Variants in MCF2L observed in about 807,000 individuals in gnomAD.
MCF2L encodes the protein MCF.2 cell line derived transforming sequence like.
MCF2L carries 97 observed loss-of-function variants against 153.4 expected under a neutral mutation model. That is an observed-to-expected ratio of 0.63 (90% CI 0.54 to 0.75). The LOEUF is 0.75. MCF2L is among the 30% of genes least tolerant of loss of function. MCF2L has a pLI of 0.00. For missense variants in MCF2L, 1,347 were observed against 1,495.2 expected (o/e 0.90, Z 1.64); for synonymous variants, 659 against 632.2 (o/e 1.04, Z -0.64).
In MCF2L at chr13:113,087,758, G is replaced by A. The variant is rs1317635526; in HGVS notation, c.2647G>A (p.Glu883Lys). 2 of 1,614,026 alleles carry A rather than the reference G, an allele frequency of 1.2e-6. No homozygotes were observed. Among genetic ancestry groups the A allele is most frequent in the Non-Finnish European group, 1.7e-6 (2 of 1,180,046 alleles). Reference protein sequence around the residue: ...ENVKGDAKKFEIWYNAREEVY... With the variant: ...ENVKGDAKKFKIWYNAREEVY... The stretch of plus-strand genomic sequence containing the variant: ...CGTGAAGGGAGATGCTAAGAAGTTC[G>A]AGATCTGGTACAACGCGCGCGAGGA... Residue 883 changes from glutamate (E) to lysine (K), a missense_variant, in exon 23 of 30, where the codon GAG becomes AAG. Transcript: ENST00000535094.
intron 2 of MCF2L, among the ~76,000 whole-genome samples, chr13:112,940,086 CG>C (rs894760995): frequency 3.3e-5 from 5 of 150,384 alleles, no homozygotes; most frequent in Non-Finnish European, 7.4e-5. Context: ...TTTTATACAA[CG>C]GGGGGTGGGG....
chr13:113,007,128 A>G (rs2083756703), intron 1 of MCF2L, among the ~76,000 whole-genome samples: 1 of 152,102 alleles, frequency 6.6e-6, no homozygotes, highest in African/African-American at 2.4e-5. Flanking sequence ...CTCAGAAGCC[A>G]TTGTGTGTAT....
intron 26 of MCF2L, chr13:113,091,176 G>T (rs1002425237): frequency 7.7e-7 from 1 of 1,301,108 alleles, no homozygotes; most frequent in South Asian, 1.2e-5. Flanking sequence ...AGAGCGACCC[G>T]ACTCCCTTTG....
intron 8 of MCF2L, among the ~76,000 whole-genome samples, chr13:113,066,898 A>C (rs2141852803): frequency 6.6e-6 from 1 of 152,314 alleles, no homozygotes; most frequent in Non-Finnish European, 1.5e-5. Context: ...TTTGACTCTC[A>C]GCTGCCTTTG....
chr13:112,922,570 C>T (rs1400816904), intron 2 of MCF2L, among the ~76,000 whole-genome samples: 5 of 150,538 alleles, frequency 3.3e-5, no homozygotes, highest in African/African-American at 1.2e-4. Context: ...CAGTGGCTCA[C>T]GCCTGTAATC....
chr13:113,090,098 G>A (rs2035058832), intron 26 of MCF2L: 4 of 1,550,404 alleles, frequency 2.6e-6, no homozygotes, highest in Non-Finnish European at 3.5e-6. Context: ...GCCTCAGAAA[G>A]CTCTGCGCTT....
intron 1 of MCF2L, among the ~76,000 whole-genome samples, chr13:112,900,920 T>G (rs1422777504): frequency 6.6e-6 from 1 of 151,784 alleles, no homozygotes; most frequent in African/African-American, 2.4e-5. Flanking sequence ...ACCTGAGGGA[T>G]GGGATGGGGT....
intron 1 of MCF2L, among the ~76,000 whole-genome samples, chr13:112,972,942 A>G (rs2082101441): frequency 6.6e-6 from 1 of 150,734 alleles, no homozygotes. Context: ...GCTGAGGGAC[A>G]CAGCAGCACG....
intron 2 of MCF2L, among the ~76,000 whole-genome samples, chr13:112,961,870 C>T (rs901663659): frequency 2.6e-5 from 4 of 152,176 alleles, no homozygotes; most frequent in African/African-American, 7.2e-5. Context: ...GCTGTGACCA[C>T]GAGAGGCCAC....
At chr13:112,970,130 A>T (rs1268194855) in intron 1 of MCF2L, among the ~76,000 whole-genome samples, 1 of 152,200 alleles carries the variant, frequency 6.6e-6, no homozygotes. Flanking sequence ...AGGCTGTGTT[A>T]TGCAGAAGGG....
At chr13:113,085,995 G>A in intron 20 of MCF2L, 129 bp from the exon 21 acceptor site, 1 of 978,592 alleles carries the variant, frequency 1.0e-6, no homozygotes, top group Non-Finnish European at 1.4e-6. Flanking sequence ...GGGCAGGCAG[G>A]GCAGCTCCCC....
intron 13 of MCF2L, 103 bp downstream of exon 13, chr13:113,077,314 T>C: frequency 7.8e-7 from 1 of 1,284,708 alleles, no homozygotes; most frequent in Non-Finnish European, 1.0e-6. Flanking sequence ...GAAAACTGTC[T>C]CCACACGCCT....
chr13:113,037,456 C>T (rs770822406), intron 3 of MCF2L, among the ~76,000 whole-genome samples: 8 of 152,194 alleles, frequency 5.3e-5, no homozygotes, highest in Admixed American at 3.3e-4. Flanking sequence ...TCAGACTAAA[C>T]TGGTTCAGAG....
intron 2 of MCF2L, among the ~76,000 whole-genome samples, chr13:112,961,197 G>A (rs1446970267): frequency 6.6e-6 from 1 of 152,210 alleles, no homozygotes; most frequent in Non-Finnish European, 1.5e-5. Context: ...GGGCTGCTAA[G>A]CTTTCTGCAT....
At chr13:112,967,027 G>T (rs910382022), upstream of MCF2L, among the ~76,000 whole-genome samples, 1 of 152,216 alleles carries the variant, frequency 6.6e-6, no homozygotes, top group East Asian at 1.9e-4. Flanking sequence ...GGAGAAGAGG[G>T]CAGGTGCTCA....
intron 2 of MCF2L, among the ~76,000 whole-genome samples, chr13:112,917,848 T>C (rs139288614): frequency 2.4e-4 from 37 of 152,324 alleles, no homozygotes; most frequent in Admixed American, 4.6e-4. Context: ...AAAGCTGGCT[T>C]CTAGACCCTC....
intron 2 of MCF2L, among the ~76,000 whole-genome samples, chr13:112,962,691 C>A (rs1234132225): frequency 1.3e-5 from 2 of 152,216 alleles, no homozygotes; most frequent in African/African-American, 4.8e-5. Context: ...GCTCCCTAGC[C>A]GTTCTCCCGG....
chr13:112,911,491 C>G (rs541337362), intron 2 of MCF2L, among the ~76,000 whole-genome samples: 2 of 152,374 alleles, frequency 1.3e-5, no homozygotes, highest in African/African-American at 4.8e-5. Flanking sequence ...TCCCCGGATC[C>G]TGCCTGCTGC....
intron 1 of MCF2L, among the ~76,000 whole-genome samples, chr13:112,982,202 C>T (rs1046355566): frequency 6.6e-6 from 1 of 152,206 alleles, no homozygotes; most frequent in Non-Finnish European, 1.5e-5. Flanking sequence ...CAGAGAAGCC[C>T]CACGTACTCC....
Sources: gnomAD v4.1 joint callset for allele counts (sites outside exome capture counted in the v4.1 genomes callset) on GRCh38, gnomAD v4.1.1 for gene constraint, MANE v1.5 for transcripts, NCBI Gene and HGNC (gene_info 2026-07-23, HGNC 2026-07-21) for gene names.